Variants in CDH19 observed in about 807,000 individuals in gnomAD.
The protein encoded by CDH19 is cadherin 19.
A neutral mutation model predicts 64.2 loss-of-function variants in CDH19; 67 were observed. That is an observed-to-expected ratio of 1.04 (90% confidence interval 0.86 to 1.28). The LOEUF (loss-of-function observed/expected upper bound fraction) is 1.28. Ranked by LOEUF, CDH19 falls within the 50% of genes most tolerant of loss-of-function variation. The pLI, the probability that CDH19 is intolerant of heterozygous loss-of-function variation, is 0.00. For synonymous variants in CDH19, 346 were observed against 319.3 expected, an observed-to-expected ratio of 1.08 and a Z score of -0.89; for missense variants, 1,030 against 929.0, an observed-to-expected ratio of 1.11 and a Z score of -1.41.
At chr18:66,541,236 A>G (rs1392476388) in intron 7 of CDH19, among the ~76,000 whole-genome samples, 2 of 152,168 alleles carry the variant, frequency 1.3e-5, no homozygotes, top group African/African-American at 4.8e-5. Flanking sequence ...ACTTAGTAGG[A>G]AAAACTAATA....
chr18:66,513,578 T>G (rs1985595090), intron 9 of CDH19, among the ~76,000 whole-genome samples: 1 of 151,456 alleles, frequency 6.6e-6, no homozygotes, highest in Admixed American at 6.6e-5. Context: ...TAAGTTTTGA[T>G]GGAGGATATT....
In CDH19 at chr18:66,535,103, A is replaced by G. The variant is rs765245279; in HGVS notation, c.1219T>C (p.Ser407Pro). 6.8e-7 allele frequency: 1 copy of G among 1,461,216 alleles called. No homozygotes were observed. The highest frequency in any genetic ancestry group is 9.3e-7 in the Non-Finnish European group (1 of 1,080,118). The allele number at this position is 1,461,216 out of a possible 1,614,324, so 90.5% of individuals were successfully genotyped here. A position where few individuals can be genotyped will look rare whatever the true frequency, so the allele number is the denominator to read the frequency against. Residue 407 changes from serine to proline, a missense_variant, in exon 8 of 12, where the codon TCT becomes CCT. By Grantham distance (74) the Ser-to-Pro change is moderately conservative. Transcript: ENST00000262150. ...PDNRKSPIRY[S>P]ITRSKVFNIN... ...TTGAACACTTTGCTCCTAGTAATAG[A>G]ATACCTGAACCAAAAGGAAAGTATA...
intron 5 of CDH19, among the ~76,000 whole-genome samples, chr18:66,545,166 G>C (rs1383937246): frequency 6.6e-6 from 1 of 151,914 alleles, no homozygotes; most frequent in East Asian, 1.9e-4. Flanking sequence ...TTTTAGTAGA[G>C]ATAGGGTTTC....
chr18:66,541,898 A>G (rs1207487813), intron 7 of CDH19, among the ~76,000 whole-genome samples: 1 of 152,148 alleles, frequency 6.6e-6, no homozygotes. Flanking sequence ...TTCTTCATAT[A>G]TATGTAGCAT....
intron 4 of CDH19, among the ~76,000 whole-genome samples, chr18:66,552,711 G>A (rs903046430): frequency 7.4e-6 from 1 of 134,286 alleles, no homozygotes; most frequent in East Asian, 1.9e-4. Context: ...CATGTTTGTC[G>A]TTGTCCATAC....
chr18:66,598,648 A>G (rs1386604111), intron 1 of CDH19, among the ~76,000 whole-genome samples: 1 of 152,148 alleles, frequency 6.6e-6, no homozygotes, highest in Non-Finnish European at 1.5e-5. Flanking sequence ...ACACATGGAC[A>G]GCACAGTAAT....
chr18:66,539,391 T>A (rs1986799429), intron 7 of CDH19, among the ~76,000 whole-genome samples: 1 of 152,132 alleles, frequency 6.6e-6, no homozygotes. Context: ...TTAAGTATAA[T>A]ATTAGCTGCA....
chr18:66,530,418 T>C (rs1301625891), intron 8 of CDH19, among the ~76,000 whole-genome samples: 1 of 152,100 alleles, frequency 6.6e-6, no homozygotes, highest in Non-Finnish European at 1.5e-5. Context: ...TGTAAGGTTA[T>C]AGCTGCAGTG....
intron 5 of CDH19, among the ~76,000 whole-genome samples, chr18:66,548,884 CAAT>C (rs1987237851): frequency 1.3e-5 from 2 of 152,166 alleles, no homozygotes; most frequent in Admixed American, 6.5e-5. Flanking sequence ...TGAGAAAAAA[CAAT>C]AATAAACATG....
intron 11 of CDH19, 67 bp from the exon 12 acceptor site, chr18:66,505,369 C>T: frequency 1.6e-6 from 2 of 1,220,992 alleles, no homozygotes; most frequent in Non-Finnish European, 2.2e-6. Flanking sequence ...ACAGTCTTTG[C>T]TCTCATTTCA....
intron 7 of CDH19, among the ~76,000 whole-genome samples, chr18:66,542,497 C>A (rs1598997089): frequency 1.3e-5 from 2 of 152,056 alleles, no homozygotes; most frequent in East Asian, 3.8e-4. Context: ...AACAAATAAA[C>A]AAAATATAAA....
At chr18:66,547,480 T>C (rs1429268785) in intron 5 of CDH19, among the ~76,000 whole-genome samples, 2 of 152,046 alleles carry the variant, frequency 1.3e-5, no homozygotes, top group African/African-American at 2.4e-5. Context: ...TACCATAATC[T>C]GAGTGGGATC....
chr18:66,537,753 T>C (rs1239855168), intron 7 of CDH19, among the ~76,000 whole-genome samples: 1 of 151,838 alleles, frequency 6.6e-6, no homozygotes, highest in Non-Finnish European at 1.5e-5. Context: ...GATTGGAGAG[T>C]AGTATTAGAA....
intron 4 of CDH19, among the ~76,000 whole-genome samples, chr18:66,553,662 T>C (rs2144520993): frequency 7.5e-6 from 1 of 132,860 alleles, no homozygotes; most frequent in South Asian, 2.4e-4. Context: ...ATTAGTTATA[T>C]ATATATATTT....
At chr18:66,511,377 G>C (rs1985474982) in intron 10 of CDH19, among the ~76,000 whole-genome samples, 191 bp downstream of exon 10, 1 of 151,644 alleles carries the variant, frequency 6.6e-6, no homozygotes, top group African/African-American at 2.4e-5. Flanking sequence ...GAAATGCGGT[G>C]AGAAATGGAG....
intron 9 of CDH19, among the ~76,000 whole-genome samples, chr18:66,526,182 A>G (rs1406638240): frequency 1.3e-5 from 2 of 152,124 alleles, no homozygotes; most frequent in Non-Finnish European, 2.9e-5. Flanking sequence ...ATAAATTTTA[A>G]TTCTGGCTTA....
intron 3 of CDH19, 62 bp downstream of exon 3, chr18:66,568,354 C>T: frequency 7.8e-7 from 1 of 1,277,464 alleles, no homozygotes; most frequent in Non-Finnish European, 1.1e-6. Context: ...CAAAACATAT[C>T]CTTCAAATTT....
intron 1 of CDH19, among the ~76,000 whole-genome samples, chr18:66,600,683 G>A (rs1454819525): frequency 1.3e-5 from 2 of 151,800 alleles, no homozygotes; most frequent in Non-Finnish European, 3.0e-5. Flanking sequence ...TATCAAAGGA[G>A]TATACACATG....
intron 3 of CDH19, among the ~76,000 whole-genome samples, chr18:66,563,758 C>T (rs190033933): frequency 6.6e-6 from 1 of 152,032 alleles, no homozygotes; most frequent in East Asian, 1.9e-4. Context: ...ACTCAGGAAA[C>T]AGATAATATT....
Sources: allele counts gnomAD v4.1 joint callset (sites outside exome capture counted in the v4.1 genomes callset), GRCh38; gene constraint gnomAD v4.1.1; transcripts MANE v1.5; gene names NCBI Gene and HGNC (gene_info 2026-07-23, HGNC 2026-07-21).